Variants in CFAP44 observed in about 807,000 individuals in gnomAD.
The protein encoded by CFAP44 is cilia- and flagella-associated protein 44.
In CFAP44, 134 loss-of-function variants were observed where a neutral mutation model predicts 216.2. That is an observed-to-expected ratio of 0.62 (90% CI 0.54 to 0.72). The LOEUF (loss-of-function observed/expected upper bound fraction) is 0.72. CFAP44 is among the 30% of genes least tolerant of loss of function. The pLI is 0.00. For missense variants in CFAP44, 2,035 were observed against 2,182.1 expected, an observed-to-expected ratio of 0.93 and a Z score of 1.34; for synonymous variants, 700 against 727.6, an observed-to-expected ratio of 0.96 and a Z score of 0.61.
intron 24 of CFAP44, among the ~76,000 whole-genome samples, chr3:113,338,022 G>A (rs1950295326): frequency 6.6e-6 from 1 of 151,882 alleles, no homozygotes; most frequent in Admixed American, 6.6e-5. Context: ...CAGCACTTTG[G>A]GAGGCCAGGG....
chr3:113,345,224 T>C (rs1207703703), intron 22 of CFAP44, among the ~76,000 whole-genome samples: 1 of 151,012 alleles, frequency 6.6e-6, no homozygotes, highest in Non-Finnish European at 1.5e-5. Context: ...AACATGTAAA[T>C]TATATAAACA....
intron 2 of CFAP44, chr3:113,427,548 C>T (rs535384168): frequency 1.1e-5 from 5 of 467,622 alleles, no homozygotes; most frequent in Non-Finnish European, 1.8e-5. Flanking sequence ...ATTTTCACTT[C>T]ATTTTCAGTC....
At chr3:113,292,395 T>C (rs930480137) in intron 34 of CFAP44, among the ~76,000 whole-genome samples, 2 of 152,234 alleles carry the variant, frequency 1.3e-5, no homozygotes, top group African/African-American at 4.8e-5. Flanking sequence ...TCCTGTCTTT[T>C]AGAAACAGGG....
intron 34 of CFAP44, among the ~76,000 whole-genome samples, chr3:113,292,576 C>A (rs186846582): frequency 1.3e-5 from 2 of 152,354 alleles, no homozygotes; most frequent in East Asian, 1.9e-4. Context: ...CTCATCTAAT[C>A]CCCAAAATGA....
chr3:113,424,307 A>G (rs1934900495), intron 4 of CFAP44, among the ~76,000 whole-genome samples: 2 of 152,102 alleles, frequency 1.3e-5, no homozygotes, highest in Admixed American at 1.3e-4. Flanking sequence ...GTGGTGGTGC[A>G]TGCCTATAGT....
intron 2 of CFAP44, among the ~76,000 whole-genome samples, chr3:113,427,818 G>A (rs1240243428): frequency 3.3e-5 from 5 of 151,958 alleles, no homozygotes; most frequent in Non-Finnish European, 7.4e-5. Flanking sequence ...ATGGCCCCAG[G>A]TATAAGCCAA....
At chr3:113,433,058 T>C (rs1385130169) in intron 2 of CFAP44, among the ~76,000 whole-genome samples, 2 of 152,124 alleles carry the variant, frequency 1.3e-5, no homozygotes, top group African/African-American at 2.4e-5. Flanking sequence ...CTGGACCATA[T>C]GTAGTCCTTT....
At chr3:113,434,740 T>C (rs975175722) in intron 1 of CFAP44, 1 of 152,202 alleles carries the variant, frequency 6.6e-6, no homozygotes, top group African/African-American at 2.4e-5. Flanking sequence ...TACTGACATA[T>C]AACTAGCTAA....
chr3:113,419,415 G>A (rs981341954), intron 5 of CFAP44, among the ~76,000 whole-genome samples: 1 of 152,016 alleles, frequency 6.6e-6, no homozygotes, highest in African/African-American at 2.4e-5. Context: ...TGTAGTGTTG[G>A]ATGCACAGTA....
chr3:113,362,226 C>T lies in CFAP44; in HGVS notation c.2934+919G>A, dbSNP rs559552447. ...ATCAATTTTTGTCTGATACAGTGTA[C>T]CGGAGTGCTCTGTGAAGAATCCTTT... is the stretch of plus-strand genomic sequence containing the variant. On this transcript the variant is annotated intron_variant, in intron 21 of 34. Transcript: ENST00000393845. Among the ~76,000 whole-genome samples the T allele has an allele frequency of 5.3e-5, 8 of 152,166 alleles. No individual in the cohort carries two copies. In the South Asian group the frequency reaches 1.7e-3, roughly 32 times the overall value.
chr3:113,320,538 ATATATATAATGAAGTTATATATATG>A (rs1404464819), intron 28 of CFAP44, among the ~76,000 whole-genome samples: 36 of 146,562 alleles, frequency 2.5e-4, no homozygotes, highest in South Asian at 8.5e-4. Context: ...TTATATATGT[ATATATATAATGAAGTTATATATATG>A]TATATATAAT....
chr3:113,422,893 A>C (rs1934854590), intron 4 of CFAP44, among the ~76,000 whole-genome samples: 1 of 152,094 alleles, frequency 6.6e-6, no homozygotes, highest in African/African-American at 2.4e-5. Context: ...TGCTGCCCTG[A>C]TAAAAGGCTC....
intron 15 of CFAP44, among the ~76,000 whole-genome samples, chr3:113,390,718 G>C (rs1933772526): frequency 6.6e-6 from 1 of 151,490 alleles, no homozygotes; most frequent in Admixed American, 6.6e-5. Context: ...ATCTGAAAAA[G>C]AAATCAAAAA....
rs1284829824 is a variant in CFAP44, at chr3:113,358,745, C to A, written c.3065G>T (p.Arg1022Leu). 1 of 1,536,314 alleles carries A rather than the reference C, an allele frequency of 6.5e-7. No homozygotes were observed. The highest frequency in any genetic ancestry group is 8.7e-7 in the Non-Finnish European group (1 of 1,146,268). ...HELGLMKLKNRFRDPLESDTI... is the reference protein window; with the variant it reads ...HELGLMKLKNLFRDPLESDTI... ...AGCTTGTAGAGAATATGGATCCTAC[C>A]GATTCTTTAGCTTCATTAGGCCGAG... is the stretch of plus-strand genomic sequence containing the variant. The change falls in exon 22 of 35, where the codon CGA becomes CTA. Residue 1022 changes from arginine to leucine, a missense_variant and splice_region_variant. By Grantham distance (102) the Arg-to-Leu change is moderately radical. Transcript: ENST00000393845.
Position 113,363,543 on chromosome 3 carries a change from G to T in CFAP44, c.2716-11C>A. 1 of 1,601,154 alleles carries T rather than the reference G, an allele frequency of 6.2e-7. No homozygotes were observed. Among genetic ancestry groups the T allele is most frequent in the Non-Finnish European group, 8.5e-7 (1 of 1,173,578 alleles). ...TGTTTCAATTCCAAACTATAGGAAG[G>T]GAAGTAAAAGGTTAGCCCTTTAAAA... On this transcript the variant is annotated splice_polypyrimidine_tract_variant and intron_variant, in intron 19 of 34. Transcript: ENST00000393845.
intron 4 of CFAP44, among the ~76,000 whole-genome samples, chr3:113,421,648 A>C (rs1559944482): frequency 6.6e-6 from 1 of 152,234 alleles, no homozygotes; most frequent in Admixed American, 6.5e-5. Flanking sequence ...ATGAAATACT[A>C]TACAGCCGTG....
chr3:113,421,254 A>C (rs1179789377), intron 4 of CFAP44, among the ~76,000 whole-genome samples: 2 of 152,164 alleles, frequency 1.3e-5, no homozygotes, highest in Admixed American at 1.3e-4. Context: ...CCACATCACT[A>C]ATCATCAGTG....
chr3:113,409,817 T>C (rs1347683828), intron 6 of CFAP44, among the ~76,000 whole-genome samples: 4 of 152,202 alleles, frequency 2.6e-5, no homozygotes, highest in Non-Finnish European at 5.9e-5. Context: ...AGAATCAAGA[T>C]GGTGATGAAA....
intron 6 of CFAP44, among the ~76,000 whole-genome samples, chr3:113,412,322 T>C (rs1934505863): frequency 1.3e-5 from 2 of 152,172 alleles, no homozygotes; most frequent in Non-Finnish European, 2.9e-5. Context: ...CCTCAAATTA[T>C]TTCTTGCACA....
Sources: gnomAD v4.1 joint callset for allele counts (sites outside exome capture counted in the v4.1 genomes callset) on GRCh38, gnomAD v4.1.1 for gene constraint, MANE v1.5 for transcripts, NCBI Gene and HGNC (gene_info 2026-07-23, HGNC 2026-07-21) for gene names.